Variants in NCOA3 observed in about 807,000 individuals in gnomAD.
NCOA3 encodes the protein nuclear receptor coactivator 3, also known as CBP-interacting protein.
Under a neutral mutation model 158.8 loss-of-function variants are expected in NCOA3, and 51 were observed. The ratio of observed to expected loss-of-function variants is 0.32; its 90% confidence interval spans 0.26 to 0.41. NCOA3 has a LOEUF of 0.41. Among genes scored for constraint, NCOA3 ranks in the 10% least tolerant of loss-of-function variants. The probability of loss-of-function intolerance (pLI) is 1.00; values close to 1 mark genes in which losing one functional copy is unlikely to be tolerated. For missense variants in NCOA3, 1,510 were observed against 1,746.6 expected (o/e 0.86, Z 2.41); for synonymous variants, 537 against 592.4 (o/e 0.91, Z 1.36).
intron 1 of NCOA3, among the ~76,000 whole-genome samples, chr20:47,559,047 T>C (rs939396964): frequency 3.9e-5 from 6 of 152,168 alleles, no homozygotes; most frequent in African/African-American, 1.2e-4. Context: ...TTAGGGTTCT[T>C]TTCCATAGCA....
intron 5 of NCOA3, 127 bp downstream of exon 5, chr20:47,625,608 C>A: frequency 1.5e-6 from 1 of 681,612 alleles, no homozygotes; most frequent in Non-Finnish European, 2.5e-6. Context: ...TTCTTTGAGA[C>A]AGTTCAGTAT....
chr20:47,548,597 A>G (rs1221131632), intron 1 of NCOA3, among the ~76,000 whole-genome samples: 1 of 152,138 alleles, frequency 6.6e-6, no homozygotes, highest in Non-Finnish European at 1.5e-5. Flanking sequence ...TTTTTACTGC[A>G]TTTTCAGTGG....
intron 16 of NCOA3, among the ~76,000 whole-genome samples, chr20:47,641,011 A>AT (rs1259640125): frequency 6.6e-6 from 1 of 152,252 alleles, no homozygotes; most frequent in African/African-American, 2.4e-5. Flanking sequence ...AGCAAGGAAA[A>AT]TAAAAATGAA....
intron 1 of NCOA3, among the ~76,000 whole-genome samples, chr20:47,574,354 A>G (rs1373662622): frequency 1.3e-5 from 2 of 152,198 alleles, no homozygotes; most frequent in Non-Finnish European, 2.9e-5. Context: ...TTTATCAATG[A>G]ATTGAAATGT....
chr20:47,629,726 G>A (rs754857779), intron 8 of NCOA3, among the ~76,000 whole-genome samples: 4 of 152,280 alleles, frequency 2.6e-5, no homozygotes, highest in African/African-American at 4.8e-5. Context: ...TCCTTTTAGA[G>A]TGAGTCTTTC....
intron 2 of NCOA3, among the ~76,000 whole-genome samples, chr20:47,618,190 A>G (rs969548282): frequency 2.6e-5 from 4 of 152,110 alleles, no homozygotes; most frequent in African/African-American, 7.2e-5. Flanking sequence ...AACTGAGATC[A>G]TGCCACTGCA....
chr20:47,577,081 T>TA (rs1390187745), intron 1 of NCOA3, among the ~76,000 whole-genome samples: 43 of 152,328 alleles, frequency 2.8e-4, no homozygotes, highest in Non-Finnish European at 3.7e-4. Flanking sequence ...AAAGCTAATT[T>TA]AAAAAAATTT....
intron 1 of NCOA3, among the ~76,000 whole-genome samples, chr20:47,563,642 T>C (rs1266745717): frequency 6.6e-6 from 1 of 152,008 alleles, no homozygotes; most frequent in Non-Finnish European, 1.5e-5. Context: ...ATCCTAGCAC[T>C]TTGGGAGGCT....
intron 1 of NCOA3, among the ~76,000 whole-genome samples, chr20:47,505,905 G>A (rs1339635794): frequency 6.7e-6 from 1 of 150,100 alleles, no homozygotes; most frequent in African/African-American, 2.5e-5. Context: ...AGGTTCAAGC[G>A]ATTCTCGTGC....
At chr20:47,595,793 C>G (rs913169401) in intron 2 of NCOA3, among the ~76,000 whole-genome samples, 7 of 151,624 alleles carry the variant, frequency 4.6e-5, no homozygotes, top group Admixed American at 1.3e-4. Context: ...GTTGAGTTTA[C>G]CTTTCGATGT....
intron 12 of NCOA3, 122 bp from the exon 13 acceptor site, chr20:47,637,526 C>T (rs1159824965): frequency 2.1e-5 from 15 of 703,304 alleles, no homozygotes; most frequent in African/African-American, 3.7e-5. Flanking sequence ...TGGGTATTAT[C>T]ATTGTAGGTA....
At chr20:47,512,783 C>G (rs2084168426) in intron 1 of NCOA3, among the ~76,000 whole-genome samples, 1 of 152,192 alleles carries the variant, frequency 6.6e-6, no homozygotes. Flanking sequence ...ACAACTAGAA[C>G]TGTATCATAC....
At chr20:47,538,210 A>G (rs534591522) in intron 1 of NCOA3, among the ~76,000 whole-genome samples, 27 of 152,220 alleles carry the variant, frequency 1.8e-4, no homozygotes, top group African/African-American at 5.5e-4. Context: ...ACTTTGGGGG[A>G]AAAAAACCCA....
intron 1 of NCOA3, among the ~76,000 whole-genome samples, chr20:47,509,098 G>A (rs1179704906): frequency 6.6e-6 from 1 of 152,160 alleles, no homozygotes; most frequent in Non-Finnish European, 1.5e-5. Flanking sequence ...TTTCAGTGCT[G>A]ACTTATAAAG....
chr20:47,647,201 T>A lies in NCOA3; in HGVS notation c.3381T>A (p.His1127Gln). The change falls in exon 18 of 23, where the codon CAT becomes CAA. Residue 1127 changes from histidine (H) to glutamine (Q), a missense_variant. By Grantham distance (24) the His-to-Gln change is conservative. Coordinates refer to ENST00000371998, the MANE Select transcript of NCOA3 (RefSeq NM_181659.3). ...AQGPPMQGGF[H>Q]LQGQSPSFNS... is the part of the protein sequence containing the mutation. Reference sequence around the variant, plus strand: ...GGCCTCCAATGCAAGGAGGCTTTCATCTTCAGGGACAATCACCATCTTTTA... The same window carrying A: ...GGCCTCCAATGCAAGGAGGCTTTCAACTTCAGGGACAATCACCATCTTTTA... 1 of 1,614,166 alleles carries A rather than the reference T, an allele frequency of 6.2e-7. No individual in the cohort carries two copies. Among genetic ancestry groups the A allele is most frequent in the African/African-American group, 1.3e-5 (1 of 75,028 alleles).
chr20:47,640,577 T>G (rs2146329191), intron 16 of NCOA3, among the ~76,000 whole-genome samples: 1 of 152,234 alleles, frequency 6.6e-6, no homozygotes, highest in Non-Finnish European at 1.5e-5. Flanking sequence ...TCTTTAAAAT[T>G]TTTCATAAAA....
At chr20:47,619,123 T>G (rs2086193688) in intron 2 of NCOA3, among the ~76,000 whole-genome samples, 1 of 152,224 alleles carries the variant, frequency 6.6e-6, no homozygotes, top group South Asian at 2.1e-4. Context: ...AGACATATAT[T>G]GACCACCTAT....
chr20:47,573,513 G>T (rs1369828393), intron 1 of NCOA3, among the ~76,000 whole-genome samples: 2 of 152,132 alleles, frequency 1.3e-5, no homozygotes, highest in Non-Finnish European at 2.9e-5. Flanking sequence ...TGTAAGGGAG[G>T]CATACAAAGT....
At chr20:47,562,799 ATTC>A (rs1219360764) in intron 1 of NCOA3, among the ~76,000 whole-genome samples, 6 of 152,104 alleles carry the variant, frequency 3.9e-5, no homozygotes, top group Admixed American at 6.6e-5. Flanking sequence ...TATTTTCTAA[ATTC>A]TTCTTTTTCT....
Sources: gnomAD v4.1 joint callset for allele counts (sites outside exome capture counted in the v4.1 genomes callset) on GRCh38, gnomAD v4.1.1 for gene constraint, MANE v1.5 for transcripts, NCBI Gene and HGNC (gene_info 2026-07-23, HGNC 2026-07-21) for gene names.